The following EPB41L3 variants were observed in gnomAD, a reference collection of about 807,000 sequenced individuals.
EPB41L3 encodes band 4.1-like protein 3.
A neutral mutation model predicts 127.1 loss-of-function variants in EPB41L3; 57 were observed. The ratio of observed to expected loss-of-function variants is 0.45; its 90% CI spans 0.36 to 0.56. The LOEUF is 0.56. EPB41L3 is among the 20% of genes least tolerant of loss of function. The probability of loss-of-function intolerance (pLI) is 0.00; values close to 1 mark genes in which losing one functional copy is unlikely to be tolerated. For missense variants in EPB41L3, 1,273 were observed against 1,372.2 expected (o/e 0.93, Z 1.14); for synonymous variants, 572 against 549.5 (o/e 1.04, Z -0.57).
At chr18:5,625,707 TA>T (rs1357243167) in intron 1 of EPB41L3, among the ~76,000 whole-genome samples, 4 of 152,204 alleles carry the variant, frequency 2.6e-5, no homozygotes, top group Non-Finnish European at 5.9e-5. Context: ...GCAGCTCACC[TA>T]AAAGCCAGGT....
chr18:5,434,741 T>C (rs2079504585), intron 6 of EPB41L3, among the ~76,000 whole-genome samples: 1 of 152,258 alleles, frequency 6.6e-6, no homozygotes, highest in Non-Finnish European at 1.5e-5. Context: ...CAGAACTTAA[T>C]ACTTGATAAC....
intron 1 of EPB41L3, among the ~76,000 whole-genome samples, chr18:5,507,302 T>A (rs377060756): frequency 1.3e-5 from 2 of 152,200 alleles, no homozygotes; most frequent in African/African-American, 2.4e-5. Flanking sequence ...AAGCATAATA[T>A]AAACTACCTA....
At chr18:5,502,617 G>C (rs1374735429) in intron 1 of EPB41L3, among the ~76,000 whole-genome samples, 1 of 152,158 alleles carries the variant, frequency 6.6e-6, no homozygotes, top group African/African-American at 2.4e-5. Flanking sequence ...ATGGAACCAG[G>C]TCCAGAAGAG....
chr18:5,629,542 G>A (rs994265645), upstream of EPB41L3, among the ~76,000 whole-genome samples: 1 of 152,204 alleles, frequency 6.6e-6, no homozygotes, highest in African/African-American at 2.4e-5. Context: ...GAAACGCTGA[G>A]ATGGAGGCGG....
intron 1 of EPB41L3, among the ~76,000 whole-genome samples, chr18:5,490,219 T>G (rs2148318399): frequency 6.6e-6 from 1 of 152,328 alleles, no homozygotes; most frequent in South Asian, 2.1e-4. Context: ...TTACTTACCT[T>G]AGGTATATGG....
intron 1 of EPB41L3, among the ~76,000 whole-genome samples, chr18:5,530,780 T>C (rs2093386425): frequency 6.6e-6 from 1 of 152,146 alleles, no homozygotes; most frequent in African/African-American, 2.4e-5. Flanking sequence ...AGCTGGTAGG[T>C]GAGCTTCCTT....
chr18:5,423,719 T>C lies in EPB41L3; in HGVS notation c.1164-166A>G, dbSNP rs142289777. 2.2e-4 allele frequency among the ~76,000 whole-genome samples: 33 copies of C among 152,330 alleles called. No individual in the cohort carries two copies. The East Asian group carries it at 6.4e-3, about 29-fold the overall frequency. On this transcript the variant is annotated intron_variant, in intron 10 of 22. Coordinates refer to ENST00000341928, the MANE Select transcript of EPB41L3 (RefSeq NM_012307.5). ...CATAAAAGAATGCATATAGTATATA[T>C]CAACTAGGGATATTGTAGAGAGGAT...
chr18:5,521,552 T>A (rs188413730), intron 1 of EPB41L3: 1 of 152,292 alleles, frequency 6.6e-6, no homozygotes, highest in African/African-American at 2.4e-5. Flanking sequence ...TTAGAATGAG[T>A]ACAGTATTTG....
chr18:5,507,711 CT>C (rs1254245233), intron 1 of EPB41L3, among the ~76,000 whole-genome samples: 1 of 152,086 alleles, frequency 6.6e-6, no homozygotes, highest in Non-Finnish European at 1.5e-5. Flanking sequence ...ATACTATCTC[CT>C]GGCTAGAATT....
chr18:5,598,262 A>C (rs2094556036), intron 3 of EPB41L3, among the ~76,000 whole-genome samples: 1 of 152,138 alleles, frequency 6.6e-6, no homozygotes, highest in South Asian at 2.1e-4. Context: ...ATACTACAAA[A>C]CAGTGTATCG....
intron 16 of EPB41L3, 139 bp from the exon 17 acceptor site, chr18:5,398,282 A>C (rs899849991): frequency 2.2e-5 from 21 of 967,172 alleles, no homozygotes; most frequent in Non-Finnish European, 2.8e-5. Flanking sequence ...CAGAGTTTGG[A>C]AACGAAAAGA....
chr18:5,438,271 T>C (rs529739028), intron 5 of EPB41L3, among the ~76,000 whole-genome samples, 161 bp from the exon 6 acceptor site: 42 of 152,328 alleles, frequency 2.8e-4, no homozygotes, highest in African/African-American at 9.6e-4. Flanking sequence ...CAGATAAGTC[T>C]GAAACCTTGT....
rs1235169857 is a variant in EPB41L3 at position 5,543,819 on chromosome 18, C to G, written c.-12+94G>C. The G allele has an allele frequency of 1.1e-6, 1 of 942,106 alleles. No homozygotes were observed. Among genetic ancestry groups the G allele is most frequent in the East Asian group, 1.2e-4 (1 of 8,516 alleles). 58.4% of individuals were successfully genotyped at this position (942,106 alleles called of 1,614,324 possible). ...AAGCCACGCGTCAGCCCCACTGTCC[C>G]GCGCGCCTCGCCCCAGGCCTCGGGC... On this transcript the variant is annotated intron_variant, in intron 1 of 22. Transcript: ENST00000341928. This position sits in a 1 kb window ranked among gnomAD's most constrained non-coding sequence, Gnocchi z 5.2.
chr18:5,602,946 T>C (rs1257731525), intron 3 of EPB41L3, among the ~76,000 whole-genome samples: 1 of 152,226 alleles, frequency 6.6e-6, no homozygotes, highest in Non-Finnish European at 1.5e-5. Context: ...AAGAACTTCA[T>C]GAATCAATTG....
intron 3 of EPB41L3, among the ~76,000 whole-genome samples, chr18:5,607,386 T>C (rs994874782): frequency 5.3e-5 from 8 of 152,232 alleles, no homozygotes; most frequent in African/African-American, 1.9e-4. Flanking sequence ...GCTCTATGAG[T>C]GTCTACACTT....
intron 1 of EPB41L3, among the ~76,000 whole-genome samples, chr18:5,618,780 C>G (rs1442446719): frequency 6.6e-6 from 1 of 152,148 alleles, no homozygotes; most frequent in Non-Finnish European, 1.5e-5. Context: ...AACAGCAAAA[C>G]CATCCCACCA....
chr18:5,615,198 C>T (rs1175835897), intron 1 of EPB41L3, among the ~76,000 whole-genome samples: 1 of 137,804 alleles, frequency 7.3e-6, no homozygotes. Flanking sequence ...GTATCTAATT[C>T]AGACTTTTTT....
chr18:5,610,796 A>C (rs2094716741), intron 3 of EPB41L3, among the ~76,000 whole-genome samples: 1 of 152,192 alleles, frequency 6.6e-6, no homozygotes, highest in African/African-American at 2.4e-5. Flanking sequence ...AAAAGAAATA[A>C]GTTATTATTA....
At chr18:5,505,785 C>T (rs2092133969) in intron 1 of EPB41L3, among the ~76,000 whole-genome samples, 1 of 129,934 alleles carries the variant, frequency 7.7e-6, no homozygotes, top group African/African-American at 2.9e-5. Flanking sequence ...CCACCCCTTC[C>T]CTCCACACCT....
Sources: allele counts gnomAD v4.1 joint callset (sites outside exome capture counted in the v4.1 genomes callset), GRCh38; gene constraint gnomAD v4.1.1; non-coding constraint Gnocchi (gnomAD v3.1); transcripts MANE v1.5; gene names NCBI Gene and HGNC (gene_info 2026-07-23, HGNC 2026-07-21).